KCNQ3: variants seen among roughly 807,000 people sequenced by gnomAD.
The protein encoded by KCNQ3 is potassium voltage-gated channel subfamily KQT member 3.
Under a neutral mutation model 92.5 loss-of-function variants are expected in KCNQ3, and 30 were observed. The ratio of observed to expected loss-of-function variants is 0.32; its 90% CI spans 0.24 to 0.44. KCNQ3 has a LOEUF of 0.44. Among genes scored for constraint, KCNQ3 ranks in the 20% least tolerant of loss-of-function variants. The pLI is 1.00. For synonymous variants in KCNQ3, 450 were observed against 468.8 expected (o/e 0.96, Z 0.52); for missense variants, 913 against 1,140.3 (o/e 0.80, Z 2.87).
At chr8:132,172,041 G>A (rs373344548) in intron 7 of KCNQ3, among the ~76,000 whole-genome samples, 1 of 151,980 alleles carries the variant, frequency 6.6e-6, no homozygotes. Context: ...TGTACATGGT[G>A]GTACGTGTGG....
In KCNQ3 at chr8:132,480,536, C is replaced by A; in HGVS notation, c.-4G>T. 8.0e-7 allele frequency: 1 copy of A among 1,249,970 alleles called. No homozygotes were observed. Among genetic ancestry groups the A allele is most frequent in the Non-Finnish European group, 1.0e-6 (1 of 976,750 alleles). The allele number at this position is 1,249,970 out of a possible 1,614,324, so 77.4% of individuals were successfully genotyped here. A position where few individuals can be genotyped will look rare whatever the true frequency, so the allele number is the denominator to read the frequency against. ...CCCTGCGCGCCTTGAGCCCCATCTG[C>A]CTCGCCCCCGCCGGCCGCTTCGCCT... On this transcript the variant is annotated 5_prime_UTR_variant, in exon 1 of 15. Coordinates refer to ENST00000388996, the MANE Select transcript of KCNQ3 (RefSeq NM_004519.4).
chr8:132,338,613 G>A (rs1563867000), intron 1 of KCNQ3, among the ~76,000 whole-genome samples: 1 of 152,308 alleles, frequency 6.6e-6, no homozygotes, highest in South Asian at 2.1e-4. Flanking sequence ...GAGGGAAGCC[G>A]AGGGTGTGAG....
intron 1 of KCNQ3, among the ~76,000 whole-genome samples, chr8:132,429,063 T>G (rs542314490): frequency 1.2e-4 from 19 of 152,308 alleles, no homozygotes; most frequent in African/African-American, 4.6e-4. Flanking sequence ...ATGCCAAACT[T>G]TGAATTAATG....
chr8:132,141,077 CT>C, intron 10 of KCNQ3, 51 bp downstream of exon 10: 1 of 1,536,706 alleles, frequency 6.5e-7, no homozygotes, highest in Non-Finnish European at 9.0e-7. Flanking sequence ...AGGAAGTGGA[CT>C]TGGGGGAGGA....
chr8:132,132,104 GA>G (rs1480132367), intron 14 of KCNQ3, 75 bp downstream of exon 14: 1 of 1,027,334 alleles, frequency 9.7e-7, no homozygotes, highest in Non-Finnish European at 1.5e-6. Flanking sequence ...AAAAAAGAAA[GA>G]AAGAAAAAAA....
intron 1 of KCNQ3, among the ~76,000 whole-genome samples, chr8:132,356,150 T>C (rs1215917298): frequency 1.3e-5 from 2 of 152,104 alleles, no homozygotes; most frequent in South Asian, 2.1e-4. Flanking sequence ...AGGCACTGAG[T>C]GGAGGCTCCA....
intron 1 of KCNQ3, among the ~76,000 whole-genome samples, chr8:132,434,540 A>G (rs1331156233): frequency 2.0e-5 from 3 of 152,218 alleles, no homozygotes; most frequent in South Asian, 2.1e-4. Flanking sequence ...CATGTGGTCA[A>G]CCTTCTCAGG....
chr8:132,461,359 T>A (rs1257111665), intron 1 of KCNQ3, among the ~76,000 whole-genome samples: 2 of 151,636 alleles, frequency 1.3e-5, no homozygotes, highest in African/African-American at 4.9e-5. Flanking sequence ...AGGTCAGGAG[T>A]TCGAGACCGG....
intron 9 of KCNQ3, among the ~76,000 whole-genome samples, chr8:132,153,994 A>C (rs1825715919): frequency 6.6e-6 from 1 of 151,056 alleles, no homozygotes; most frequent in African/African-American, 2.4e-5. Flanking sequence ...CCTTTGAAAA[A>C]AAATGCCATT....
At position 132,273,429 on chromosome 8, in the gene KCNQ3, G is replaced by A. The variant is rs573476701; in HGVS notation, c.387-87248C>T. Among the ~76,000 whole-genome samples, 296 of 152,318 alleles carry A rather than the reference G, an allele frequency of 1.9e-3. 2 individuals are homozygous for A. The highest frequency in any genetic ancestry group is 6.8e-3 in the Middle Eastern group (2 of 294). On this transcript the variant is annotated intron_variant, in intron 1 of 14. Transcript: ENST00000388996. The stretch of plus-strand genomic sequence containing the variant: ...GCACCAAGTCCTTAGGCTGCACACA[G>A]CATGGGGACCCTGGGCCCAGCCCAT...
intron 1 of KCNQ3, among the ~76,000 whole-genome samples, chr8:132,473,081 T>A (rs1029713957): frequency 1.3e-5 from 2 of 152,100 alleles, no homozygotes; most frequent in East Asian, 3.9e-4. Flanking sequence ...GAATAAAGAA[T>A]GACAACTTAT....
At chr8:132,303,610 A>ATATATATATATATATATATATGGTG (rs1817305166) in intron 1 of KCNQ3, among the ~76,000 whole-genome samples, 1 of 11,556 alleles carries the variant, frequency 8.7e-5, no homozygotes, top group Non-Finnish European at 1.4e-4. Context: ...TGGTGTGTAT[A>ATATATATATATATATATATATGGTG]TATATATATA....
chr8:132,339,319 C>CA lies in KCNQ3; in HGVS notation c.386+140827dup, dbSNP rs1406875507. On this transcript the variant is annotated intron_variant, in intron 1 of 14. Coordinates refer to ENST00000388996, the MANE Select transcript of KCNQ3 (RefSeq NM_004519.4). ...TTAATCCGTTACTCATTTATTCATT[C>CA]ATTCCACCAACTCGAACTGGGCAAT... Among the ~76,000 whole-genome samples, 14 of 152,330 alleles carry CA rather than the reference C, an allele frequency of 9.2e-5. No individual in the cohort carries two copies. The East Asian group carries it at 2.7e-3, about 29-fold the overall frequency.
intron 9 of KCNQ3, 119 bp from the exon 10 acceptor site, chr8:132,141,450 A>C: frequency 7.9e-6 from 7 of 881,878 alleles, no homozygotes; most frequent in Non-Finnish European, 1.3e-5. Flanking sequence ...CGTGCATTTC[A>C]CAGTGCTGAA....
chr8:132,182,069 CAA>C (rs11320609), intron 3 of KCNQ3, among the ~76,000 whole-genome samples: 2 of 143,694 alleles, frequency 1.4e-5, no homozygotes, highest in Non-Finnish European at 3.1e-5. Flanking sequence ...CCATAAAAAA[CAA>C]AAAAAAAACA....
chr8:132,223,601 T>C (rs538082947), intron 1 of KCNQ3, among the ~76,000 whole-genome samples: 2 of 152,328 alleles, frequency 1.3e-5, no homozygotes, highest in South Asian at 4.1e-4. Context: ...TATTATTTAG[T>C]GCAATGAATG....
chr8:132,212,897 A>G (rs1434231879), intron 1 of KCNQ3, among the ~76,000 whole-genome samples: 5 of 152,184 alleles, frequency 3.3e-5, no homozygotes, highest in Admixed American at 2.6e-4. Flanking sequence ...ACAGACCTGT[A>G]GGCAGGTGCC....
At chr8:132,342,421 G>C (rs1818560093) in intron 1 of KCNQ3, among the ~76,000 whole-genome samples, 1 of 152,030 alleles carries the variant, frequency 6.6e-6, no homozygotes, top group African/African-American at 2.4e-5. Flanking sequence ...GAGTAGAAAG[G>C]GCAATAAGTA....
intron 8 of KCNQ3, among the ~76,000 whole-genome samples, chr8:132,164,158 A>G (rs1408200097): frequency 6.7e-6 from 1 of 149,890 alleles, no homozygotes; most frequent in Non-Finnish European, 1.5e-5. Context: ...TCTGCCTGGA[A>G]CTCCCTTCCT....
Sources: gnomAD v4.1 joint callset for allele counts (sites outside exome capture counted in the v4.1 genomes callset) on GRCh38, gnomAD v4.1.1 for gene constraint, MANE v1.5 for transcripts, NCBI Gene and HGNC (gene_info 2026-07-23, HGNC 2026-07-21) for gene names.